Variants in DSCAM observed in about 807,000 individuals in gnomAD.
DSCAM encodes the protein cell adhesion molecule DSCAM.
Under a neutral mutation model 217.7 loss-of-function variants are expected in DSCAM, and 47 were observed. That is an observed-to-expected ratio of 0.22 (90% CI 0.17 to 0.28). The LOEUF (loss-of-function observed/expected upper bound fraction) is 0.28. Ranked by LOEUF, DSCAM falls within the 10% of genes least tolerant of loss-of-function variation. The pLI, the probability that DSCAM is intolerant of heterozygous loss-of-function variation, is 1.00. For missense variants in DSCAM, 2,080 were observed against 2,618.3 expected, an observed-to-expected ratio of 0.79 and a Z score of 4.49; for synonymous variants, 1,056 against 1,015.3, an observed-to-expected ratio of 1.04 and a Z score of -0.76.
At chr21:40,039,030 G>A (rs1389411446) in intron 32 of DSCAM, among the ~76,000 whole-genome samples, 1 of 118,524 alleles carries the variant, frequency 8.4e-6, no homozygotes, top group Non-Finnish European at 1.7e-5. Context: ...GGTGGGGGGA[G>A]GGGGGAGGGA....
intron 4 of DSCAM, among the ~76,000 whole-genome samples, chr21:40,356,761 T>C (rs1231881787): frequency 3.3e-5 from 5 of 152,222 alleles, no homozygotes; most frequent in African/African-American, 9.6e-5. Flanking sequence ...TCTGGACTTA[T>C]ATACAAGAGA....
At chr21:40,439,688 C>T (rs909297052) in intron 3 of DSCAM, among the ~76,000 whole-genome samples, 3 of 152,160 alleles carry the variant, frequency 2.0e-5, no homozygotes, top group Admixed American at 6.6e-5. Context: ...CACAGTTCCA[C>T]GTGGCTGGGG....
intron 3 of DSCAM, among the ~76,000 whole-genome samples, chr21:40,427,407 A>C (rs2075485728): frequency 6.6e-6 from 1 of 152,206 alleles, no homozygotes; most frequent in African/African-American, 2.4e-5. Flanking sequence ...TCAATAGGTT[A>C]ATGGGAGCTT....
chr21:40,178,230 G>C, intron 15 of DSCAM, among the ~76,000 whole-genome samples: 1 of 152,108 alleles, frequency 6.6e-6, no homozygotes, highest in Non-Finnish European at 1.5e-5. Context: ...AGTGTGTTAA[G>C]GGGTGTGAAT....
chr21:40,424,421 C>G (rs1243262853), intron 3 of DSCAM, among the ~76,000 whole-genome samples: 1 of 152,138 alleles, frequency 6.6e-6, no homozygotes, highest in Non-Finnish European at 1.5e-5. Context: ...TGGAAGAAGC[C>G]AGCCGTGTGA....
chr21:40,210,666 T>A lies in DSCAM; in HGVS notation c.2357-21428A>T, dbSNP rs573493305. On this transcript the variant is annotated intron_variant, in intron 11 of 32. Transcript: ENST00000400454. ...TTCAAATGATTCTCCTGCCTCAGCC[T>A]CCCCAGTAGCTGGGATTACAGGCAT... 2.6e-5 allele frequency among the ~76,000 whole-genome samples: 4 copies of A among 152,340 alleles called. No homozygotes were observed. In the South Asian group the frequency reaches 6.2e-4, roughly 24 times the overall value.
At chr21:40,360,274 A>T (rs570783625) in intron 4 of DSCAM, among the ~76,000 whole-genome samples, 3 of 151,788 alleles carry the variant, frequency 2.0e-5, no homozygotes, top group South Asian at 4.2e-4. Context: ...CTGGGACTAC[A>T]GGCGCCTACC....
chr21:40,502,262 T>C (rs545582513), intron 3 of DSCAM, among the ~76,000 whole-genome samples: 1 of 152,302 alleles, frequency 6.6e-6, no homozygotes, highest in South Asian at 2.1e-4. Context: ...TAATAACTTC[T>C]TAAAATTTGC....
intron 20 of DSCAM, among the ~76,000 whole-genome samples, chr21:40,104,535 A>C (rs2089793947): frequency 6.6e-6 from 1 of 152,202 alleles, no homozygotes; most frequent in African/African-American, 2.4e-5. Flanking sequence ...GACAGTAAAA[A>C]GATCAGAGGT....
intron 3 of DSCAM, among the ~76,000 whole-genome samples, chr21:40,378,497 G>A (rs2074985499): frequency 6.8e-6 from 1 of 147,614 alleles, no homozygotes; most frequent in South Asian, 2.2e-4. Context: ...ACTCAGAAGT[G>A]CACACTTTGA....
intron 18 of DSCAM, among the ~76,000 whole-genome samples, chr21:40,134,812 T>C (rs2090190346): frequency 2.0e-5 from 3 of 152,160 alleles, no homozygotes; most frequent in Non-Finnish European, 4.4e-5. Flanking sequence ...AAAGATAACA[T>C]ATTTAAATAA....
chr21:40,588,967 A>C (rs2076965223), intron 3 of DSCAM, among the ~76,000 whole-genome samples: 1 of 152,216 alleles, frequency 6.6e-6, no homozygotes, highest in Non-Finnish European at 1.5e-5. Flanking sequence ...TCAACTGATT[A>C]ATTAGGAACT....
chr21:40,553,797 GAC>G (rs2076649162), intron 3 of DSCAM, among the ~76,000 whole-genome samples: 1 of 151,870 alleles, frequency 6.6e-6, no homozygotes, highest in Non-Finnish European at 1.5e-5. Flanking sequence ...AACATTCTGT[GAC>G]AGAGTCATAG....
At chr21:40,801,524 T>C (rs975128571) in intron 1 of DSCAM, among the ~76,000 whole-genome samples, 2 of 152,140 alleles carry the variant, frequency 1.3e-5, no homozygotes, top group Non-Finnish European at 2.9e-5. Context: ...TGAGGCTGCC[T>C]CTCTCATCAC....
chr21:40,181,894 C>T (rs375624507), intron 14 of DSCAM, among the ~76,000 whole-genome samples: 88 of 151,830 alleles, frequency 5.8e-4, no homozygotes, highest in African/African-American at 1.7e-3. Context: ...AAAGAGTGGG[C>T]GGGATGCCAT....
chr21:40,374,708 G>T (rs901234227), intron 3 of DSCAM, among the ~76,000 whole-genome samples: 1 of 152,168 alleles, frequency 6.6e-6, no homozygotes, highest in Non-Finnish European at 1.5e-5. Context: ...AAAGCTTTTG[G>T]GAAGTAATTA....
intron 3 of DSCAM, among the ~76,000 whole-genome samples, chr21:40,548,933 G>A (rs563842099): frequency 3.9e-5 from 6 of 152,186 alleles, no homozygotes; most frequent in East Asian, 1.9e-4. Context: ...GGCCGGGCAC[G>A]GTGGCTCATG....
At chr21:40,375,202 A>G (rs1249985827) in intron 3 of DSCAM, among the ~76,000 whole-genome samples, 2 of 152,094 alleles carry the variant, frequency 1.3e-5, no homozygotes, top group East Asian at 3.9e-4. Context: ...CTCCCTCAAC[A>G]CTGTACCACA....
intron 11 of DSCAM, among the ~76,000 whole-genome samples, chr21:40,235,435 C>T (rs1265125870): frequency 2.6e-5 from 4 of 152,068 alleles, no homozygotes; most frequent in Non-Finnish European, 4.4e-5. Flanking sequence ...ACATAAAGGC[C>T]GATAATTAAG....
Sources: gnomAD v4.1 joint callset for allele counts (sites outside exome capture counted in the v4.1 genomes callset) on GRCh38, gnomAD v4.1.1 for gene constraint, MANE v1.5 for transcripts, NCBI Gene and HGNC (gene_info 2026-07-23, HGNC 2026-07-21) for gene names.